The following KRT15 variants were observed in gnomAD, a reference collection of about 807,000 sequenced individuals.
KRT15 encodes the protein keratin 15.
In KRT15, 45 loss-of-function variants were observed where a neutral mutation model predicts 46.6. That is an observed-to-expected ratio of 0.97 (90% CI 0.76 to 1.24). The LOEUF (loss-of-function observed/expected upper bound fraction) is 1.24, where lower values mean the gene tolerates loss of function less well. Ranked by LOEUF, KRT15 falls within the 50% of genes most tolerant of loss-of-function variation. The pLI is 0.00. For synonymous variants in KRT15, 221 were observed against 233.8 expected (o/e 0.95, Z 0.50); for missense variants, 592 against 588.9 (o/e 1.01, Z -0.05).
At chr17:41,517,193 G>A (rs777976305) in intron 1 of KRT15, 28 bp from the exon 2 acceptor site, 15 of 1,588,120 alleles carry the variant, frequency 9.4e-6, no homozygotes, top group Non-Finnish European at 1.2e-5. Context: ...GGTGTCTAGA[G>A]GACTCCTCTC....
At chr17:41,515,253 T>C (rs542719471) in intron 6 of KRT15, 1 of 581,636 alleles carries the variant, frequency 1.7e-6, no homozygotes, top group African/African-American at 1.9e-5. Context: ...CCAGCCTCTA[T>C]CATTTACAGA....
chr17:41,516,307 G>A (rs1442535972), intron 3 of KRT15, 42 bp from the exon 4 acceptor site: 1 of 1,577,778 alleles, frequency 6.3e-7, no homozygotes, highest in East Asian at 2.2e-5. Context: ...GAGAGCAGAA[G>A]AGAGACCTGA....
At chr17:41,516,736 C>T in intron 3 of KRT15, 72 bp downstream of exon 3, 1 of 1,567,700 alleles carries the variant, frequency 6.4e-7, no homozygotes, top group Non-Finnish European at 8.7e-7. Context: ...TCCCTCTGGG[C>T]AATTTAAGTG....
intron 6 of KRT15, 180 bp downstream of exon 6, chr17:41,515,292 A>G: frequency 1.7e-6 from 1 of 601,698 alleles, no homozygotes; most frequent in East Asian, 2.8e-5. Flanking sequence ...AGAGGAAGTG[A>G]CCTGTCCCAG....
Position 41,516,870 on chromosome 17 carries a change from G to C in KRT15, c.676C>G (p.Leu226Val), listed in dbSNP as rs375580914. 1 of 1,614,226 alleles carries C rather than the reference G, an allele frequency of 6.2e-7. No homozygotes were observed. ...LDELTLARTDLEMQIEGLNEE... is the reference protein window; with the variant it reads ...LDELTLARTDVEMQIEGLNEE... ...TTCAGGCCCTCGATCTGCATCTCCA[G>C]GTCAGTCCTGGCCAGGGTCAGCTCA... The change falls in exon 3 of 8, where the codon CTG becomes GTG. Residue 226 changes from leucine (L) to valine (V), a missense_variant. By Grantham distance (32) the Leu-to-Val change is conservative. Coordinates refer to ENST00000254043, the MANE Select transcript of KRT15 (RefSeq NM_002275.4).
At position 41,517,132 on chromosome 17, in the gene KRT15, T is replaced by A; in HGVS notation, c.532A>T (p.Ile178Phe). 6.2e-7 allele frequency: 1 copy of A among 1,614,160 alleles called. No homozygotes were observed. The highest frequency in any genetic ancestry group is 8.5e-7 in the Non-Finnish European group (1 of 1,180,036). The change falls in exon 2 of 8, where the codon ATC becomes TTC. Residue 178 changes from isoleucine (I) to phenylalanine (F), a missense_variant. Transcript: ENST00000254043. ...MATTIDNSRV[I>F]LEIDNARLAA... ...AGCCTGGCATTGTCGATCTCCAGGA[T>A]GACCCGGGAGTTGTCGATGGTGGTG...
chr17:41,517,402 T>C, intron 1 of KRT15: 1 of 543,852 alleles, frequency 1.8e-6, no homozygotes, highest in Non-Finnish European at 3.3e-6. Context: ...GCTGCCTTCC[T>C]TATCTCCAGG....
chr17:41,517,077 G>A lies in KRT15; in HGVS notation c.581+6C>T. ...GCAGGAAGAGGAGAGAGACGGGGGA[G>A]CGCACTTGAGCCTGAAGTCGTCCGC... is the stretch of plus-strand genomic sequence containing the variant. On this transcript the variant is annotated splice_donor_region_variant and intron_variant, in intron 2 of 7. Transcript: ENST00000254043. 6.2e-7 allele frequency: 1 copy of A among 1,614,186 alleles called. No homozygotes were observed. The highest frequency in any genetic ancestry group is 1.3e-5 in the African/African-American group (1 of 75,030).
chr17:41,516,301 G>A (rs971028454), intron 3 of KRT15, 36 bp from the exon 4 acceptor site: 1 of 1,591,170 alleles, frequency 6.3e-7, no homozygotes, highest in South Asian at 1.1e-5. Context: ...GAGACGGAGA[G>A]CAGAAGAGAG....
rs1001482736 is a variant in KRT15 at position 41,518,767 on chromosome 17, C to T, written c.61G>A (p.Gly21Ser). 6.3e-7 allele frequency: 1 copy of T among 1,578,190 alleles called. No individual in the cohort carries two copies. The change falls in exon 1 of 8, where the codon GGT (glycine) becomes AGT (serine). Residue 21 changes from glycine (G) to serine (S), a missense_variant. Transcript: ENST00000254043. ...STFGGGSTRG[G>S]SLLAGGGGFG... ...CCACCTCCCCCAGCCAGGAGGGAACCCCCTCGGGTTGAGCCACCCCCAAAG... is the reference window on the plus strand; with the variant it reads ...CCACCTCCCCCAGCCAGGAGGGAACTCCCTCGGGTTGAGCCACCCCCAAAG...
At chr17:41,517,674 G>A (rs1266047806) in intron 1 of KRT15, 1 of 174,632 alleles carries the variant, frequency 5.7e-6, no homozygotes, top group African/African-American at 2.4e-5. Flanking sequence ...AAAATGGTGA[G>A]TGAGTGGGTG....
rs764246868 is a variant in KRT15 at position 41,518,374 on chromosome 17, C to T, written c.454G>A (p.Asp152Asn). 11 of 1,613,868 alleles carry T rather than the reference C, an allele frequency of 6.8e-6. No individual in the cohort carries two copies. Among genetic ancestry groups the T allele is most frequent in the Non-Finnish European group, 8.5e-6 (10 of 1,179,946 alleles). The change falls in exon 1 of 8, where the codon GAC becomes AAC. Residue 152 changes from aspartate (D) to asparagine (N), a missense_variant. Transcript: ENST00000254043. ...QKQTPTSPECDYSQYFKTIEE... is the reference protein window; with the variant it reads ...QKQTPTSPECNYSQYFKTIEE... ...ATGGTCTTGAAGTATTGGCTGTAGT[C>T]GCATTCTGGGCTGGTTGGGGTCTGC...
intron 1 of KRT15, 102 bp downstream of exon 1, chr17:41,518,228 G>C: frequency 7.4e-7 from 1 of 1,350,192 alleles, no homozygotes; most frequent in Non-Finnish European, 1.0e-6. Context: ...GTCATTGCCT[G>C]GGCAGGAAAG....
chr17:41,518,575 C>T lies in KRT15; in HGVS notation c.253G>A (p.Val85Ile), dbSNP rs146785055. The T allele has an allele frequency of 1.1e-4, 173 of 1,613,424 alleles. No individual in the cohort carries two copies. Among genetic ancestry groups the T allele is most frequent in the African/African-American group, 5.6e-4 (42 of 74,654 alleles). Residue 85 changes from valine (V) to isoleucine (I), a missense_variant, in exon 1 of 8, where the codon GTT (valine) becomes ATT (isoleucine). Val to Ile is a conservative substitution (Grantham distance 29, BLOSUM62 3). Transcript: ENST00000254043. ...AAGCCACCACCAAAACCCCCACCAA[C>T]GCCCCCTCCAAAGCCTCCACCGAAA... is the stretch of plus-strand genomic sequence containing the variant. The part of the protein sequence containing the change: ...SVFGGGFGGG[V>I]GGGFGGGFGG...
Position 41,518,789 on chromosome 17 carries a change from A to G in KRT15, c.39T>C (p.Phe13=), listed in dbSNP as rs753636071. The G allele has an allele frequency of 2.0e-6, 3 of 1,499,060 alleles. No individual in the cohort carries two copies. The highest frequency in any genetic ancestry group is 2.7e-6 in the Non-Finnish European group (3 of 1,130,378). 92.9% of individuals were successfully genotyped at this position (1,499,060 alleles called of 1,614,324 possible). The change falls in exon 1 of 8, where the codon TTT becomes TTC. Residue 13 remains phenylalanine (F), a synonymous_variant. Transcript: ENST00000254043. ...TTFLQTSSST[F]GGGSTRGGSL... is the part of the protein sequence containing the mutation. ...AACCCCCTCGGGTTGAGCCACCCCC[A>G]AAGGTGGAGGAAGAAGTTTGCAGAA...
chr17:41,516,550 T>C (rs1041734869), intron 3 of KRT15, among the ~76,000 whole-genome samples: 3 of 152,164 alleles, frequency 2.0e-5, no homozygotes, highest in Non-Finnish European at 4.4e-5. Context: ...GCTGTGGGCC[T>C]GGGCTACCAG....
At position 41,515,462 on chromosome 17, in the gene KRT15, A is replaced by T; in HGVS notation, c.1247+10T>A. On this transcript the variant is annotated intron_variant, in intron 6 of 7. Transcript: ENST00000254043. ...CCTCATCACTCCTTCCCCTGTGCCC[A>T]GGCGCCTACTTGGCATCCTGGCCCT... is the stretch of plus-strand genomic sequence containing the variant. 1 of 1,611,722 alleles carries T rather than the reference A, an allele frequency of 6.2e-7. No homozygotes were observed. Among genetic ancestry groups the T allele is most frequent in the Non-Finnish European group, 8.5e-7 (1 of 1,179,268 alleles).
At position 41,518,651 on chromosome 17, in the gene KRT15, T is replaced by A. The variant is rs1386492106; in HGVS notation, c.177A>T (p.Gly59=). The A allele has an allele frequency of 1.3e-6, 2 of 1,596,192 alleles. No individual in the cohort carries two copies. The change falls in exon 1 of 8, where the codon GGA becomes GGT. Residue 59 remains glycine (G), a synonymous_variant. Transcript: ENST00000254043. The part of the protein sequence containing the change: ...ARFVSSGSGG[G]YGGGMRVCGF... Reference sequence around the variant, plus strand: ...CACAGACCCTCATGCCACCCCCATATCCTCCTCCTGACCCTGAAGAGACAA... The same window carrying A: ...CACAGACCCTCATGCCACCCCCATAACCTCCTCCTGACCCTGAAGAGACAA...
chr17:41,518,795 G>A lies in KRT15; in HGVS notation c.33C>T (p.Ser11=), dbSNP rs1905541397. 4 of 1,545,496 alleles carry A rather than the reference G, an allele frequency of 2.6e-6. No homozygotes were observed. Among genetic ancestry groups the A allele is most frequent in the Admixed American group, 2.1e-5 (1 of 46,980 alleles). Reference sequence around the variant, plus strand: ...CTCGGGTTGAGCCACCCCCAAAGGTGGAGGAAGAAGTTTGCAGAAATGTGG... The same window carrying A: ...CTCGGGTTGAGCCACCCCCAAAGGTAGAGGAAGAAGTTTGCAGAAATGTGG... MTTTFLQTSS[S]TFGGGSTRGG... Residue 11 remains serine (S), a synonymous_variant, in exon 1 of 8, where the codon TCC becomes TCT. Coordinates refer to ENST00000254043, the MANE Select transcript of KRT15 (RefSeq NM_002275.4).
Sources: allele counts gnomAD v4.1 joint callset (sites outside exome capture counted in the v4.1 genomes callset), GRCh38; gene constraint gnomAD v4.1.1; transcripts MANE v1.5; gene names NCBI Gene and HGNC (gene_info 2026-07-23, HGNC 2026-07-21).